AGBL1: variants seen among roughly 807,000 people sequenced by gnomAD.
AGBL1 encodes the protein cytosolic carboxypeptidase 4.
A neutral mutation model predicts 118.9 loss-of-function variants in AGBL1; 130 were observed. That is an observed-to-expected ratio of 1.09 (90% confidence interval 0.95 to 1.26). The LOEUF (loss-of-function observed/expected upper bound fraction) is 1.26, where lower values mean the gene tolerates loss of function less well. Ranked by LOEUF, AGBL1 falls within the 50% of genes most tolerant of loss-of-function variation. AGBL1 has a pLI of 0.00. For missense variants in AGBL1, 1,584 were observed against 1,298.1 expected, an observed-to-expected ratio of 1.22 and a Z score of -3.38; for synonymous variants, 555 against 478.9, an observed-to-expected ratio of 1.16 and a Z score of -2.08.
chr15:86,529,608 C>T (rs1399359706), intron 19 of AGBL1, among the ~76,000 whole-genome samples: 68 of 124,578 alleles, frequency 5.5e-4, no homozygotes, highest in African/African-American at 2.4e-3. Flanking sequence ...ATACAGAGAA[C>T]GCCACAAAGA....
chr15:86,924,707 C>G (rs560401180), intron 23 of AGBL1, among the ~76,000 whole-genome samples: 1 of 152,074 alleles, frequency 6.6e-6, no homozygotes, highest in African/African-American at 2.4e-5. Context: ...TTTTTGGCAG[C>G]GGATAGTTTC....
At chr15:86,221,999 G>A (rs1475097037) in intron 5 of AGBL1, among the ~76,000 whole-genome samples, 1 of 152,154 alleles carries the variant, frequency 6.6e-6, no homozygotes. Context: ...TAGACAGTCT[G>A]GTGAAGTTCA....
At chr15:86,941,998 G>A (rs2141655650) in intron 23 of AGBL1, among the ~76,000 whole-genome samples, 1 of 152,318 alleles carries the variant, frequency 6.6e-6, no homozygotes, top group Non-Finnish European at 1.5e-5. Context: ...GGCAATGGAT[G>A]AATAGCACAG....
intron 18 of AGBL1, among the ~76,000 whole-genome samples, chr15:86,432,455 A>AAAAACATTT (rs2081945581): frequency 6.6e-6 from 1 of 152,118 alleles, no homozygotes; most frequent in African/African-American, 2.4e-5. Context: ...TTTTCTCATG[A>AAAAACATTT]TTAGCCTGTG....
chr15:86,761,061 G>A (rs1418827128), intron 22 of AGBL1, among the ~76,000 whole-genome samples: 2 of 152,050 alleles, frequency 1.3e-5, no homozygotes, highest in Non-Finnish European at 2.9e-5. Flanking sequence ...ACTTGTTGAT[G>A]CTAATACATG....
intron 17 of AGBL1, among the ~76,000 whole-genome samples, chr15:86,311,033 T>G (rs964622315): frequency 6.6e-6 from 1 of 152,194 alleles, no homozygotes; most frequent in Non-Finnish European, 1.5e-5. Flanking sequence ...CCTGGTTCCC[T>G]GCGTCCCTTG....
chr15:87,002,805 T>C (rs1417802678), intron 24 of AGBL1, among the ~76,000 whole-genome samples: 2 of 152,202 alleles, frequency 1.3e-5, no homozygotes, highest in Non-Finnish European at 2.9e-5. Flanking sequence ...ATAAGAATGC[T>C]TGTGATTTTT....
intron 1 of AGBL1, among the ~76,000 whole-genome samples, chr15:86,112,091 A>G (rs532351531): frequency 9.9e-5 from 15 of 152,260 alleles, no homozygotes; most frequent in African/African-American, 3.6e-4. Context: ...CTGATTCTAC[A>G]TTATGGGGAG....
At chr15:86,605,649 T>C (rs1435622828) in intron 21 of AGBL1, among the ~76,000 whole-genome samples, 2 of 152,286 alleles carry the variant, frequency 1.3e-5, no homozygotes, top group Non-Finnish European at 2.9e-5. Context: ...GTTAAGACAT[T>C]GACGTTGATT....
chr15:86,537,824 T>G (rs1488483460), intron 19 of AGBL1, among the ~76,000 whole-genome samples: 1 of 152,190 alleles, frequency 6.6e-6, no homozygotes, highest in Non-Finnish European at 1.5e-5. Context: ...CTTTAGGACT[T>G]CTTATACTGA....
At chr15:86,832,988 G>A (rs1034269027) in intron 22 of AGBL1, among the ~76,000 whole-genome samples, 1 of 152,154 alleles carries the variant, frequency 6.6e-6, no homozygotes, top group Non-Finnish European at 1.5e-5. Flanking sequence ...GAAGGCAAAC[G>A]AGGAACAAAG....
intron 24 of AGBL1, among the ~76,000 whole-genome samples, chr15:87,001,620 T>A (rs1431101111): frequency 6.6e-6 from 1 of 152,062 alleles, no homozygotes; most frequent in African/African-American, 2.4e-5. Context: ...TTCCTATTTC[T>A]CCACATCCTC....
At chr15:86,648,096 G>T (rs1330582382) in intron 21 of AGBL1, among the ~76,000 whole-genome samples, 1 of 152,162 alleles carries the variant, frequency 6.6e-6, no homozygotes, top group Non-Finnish European at 1.5e-5. Context: ...ATGATAAGGG[G>T]TTTGGAATTT....
intron 9 of AGBL1, among the ~76,000 whole-genome samples, chr15:86,259,878 G>A (rs1225979637): frequency 2.0e-5 from 3 of 152,232 alleles, no homozygotes; most frequent in African/African-American, 7.2e-5. Context: ...CCGGGTGCAC[G>A]ATAGTGCCTG....
chr15:86,641,755 T>A (rs1310550374), intron 21 of AGBL1, among the ~76,000 whole-genome samples: 1 of 152,080 alleles, frequency 6.6e-6, no homozygotes, highest in East Asian at 1.9e-4. Flanking sequence ...CGTTTCTGAA[T>A]TTCAAAAAAA....
chr15:86,653,705 T>C (rs2085415941), intron 21 of AGBL1, among the ~76,000 whole-genome samples: 1 of 152,116 alleles, frequency 6.6e-6, no homozygotes, highest in South Asian at 2.1e-4. Flanking sequence ...CAAGCCAGCA[T>C]ATCAAGTATG....
chr15:86,237,544 T>C (rs1236440552), intron 6 of AGBL1, among the ~76,000 whole-genome samples: 1 of 152,092 alleles, frequency 6.6e-6, no homozygotes, highest in Non-Finnish European at 1.5e-5. Flanking sequence ...CTCTGATGAG[T>C]TGACAGTGGA....
At chr15:86,656,845 A>G (rs2085468493) in intron 21 of AGBL1, among the ~76,000 whole-genome samples, 1 of 151,950 alleles carries the variant, frequency 6.6e-6, no homozygotes, top group Non-Finnish European at 1.5e-5. Context: ...TTTTACCTGA[A>G]CTCCACCAAA....
In AGBL1 at chr15:86,391,640, G is replaced by GTTTTTT. The variant is rs751427467; in HGVS notation, c.2375-5706_2375-5701dup. ...ATACCTTTGTATAATGTTGTTGTTGGTTTTTTTTTTTTTTTTTTTTTTTTT... is the reference window on the plus strand; with the variant it reads ...ATACCTTTGTATAATGTTGTTGTTGGTTTTTTTTTTTTTTTTTTTTTTTTTTTTTTT... On this transcript the variant is annotated intron_variant, in intron 17 of 22. Coordinates refer to ENST00000614907, the MANE Select transcript of AGBL1 (RefSeq NM_001386094.1). Among the ~76,000 whole-genome samples the GTTTTTT allele has an allele frequency of 5.8e-3, 431 of 73,800 alleles. 4 individuals carry two copies. Among genetic ancestry groups the GTTTTTT allele is most frequent in the African/African-American group, 0.013 (229 of 17,774 alleles). The allele number at this position is 73,800 out of a possible 152,430, so 48.4% of individuals were successfully genotyped here.
Sources: allele counts gnomAD v4.1 joint callset (sites outside exome capture counted in the v4.1 genomes callset), GRCh38; gene constraint gnomAD v4.1.1; transcripts MANE v1.5; gene names NCBI Gene and HGNC (gene_info 2026-07-23, HGNC 2026-07-21).